STK32A: variants seen among roughly 807,000 people sequenced by gnomAD.
STK32A encodes the protein serine/threonine-protein kinase 32A.
Under a neutral mutation model 53.2 loss-of-function variants are expected in STK32A, and 41 were observed. That is an observed-to-expected ratio of 0.77 (90% CI 0.60 to 1.00). The LOEUF is 1.00. Ranked by LOEUF, STK32A falls within the 50% of genes least tolerant of loss-of-function variation. STK32A has a pLI of 0.00. For synonymous variants in STK32A, 166 were observed against 162.8 expected (o/e 1.02, Z -0.15); for missense variants, 458 against 485.8 (o/e 0.94, Z 0.54).
At position 147,291,551 on chromosome 5, in the gene STK32A, T is replaced by TA. The variant is rs369226227; in HGVS notation, c.260+12165dup. Reference sequence around the variant, plus strand: ...ATATAATACACATAACAATTACAATTAAAAAAAAAAAAGAATTTCTATGCC... The same window carrying TA: ...ATATAATACACATAACAATTACAATTAAAAAAAAAAAAAGAATTTCTATGCC... On this transcript the variant is annotated intron_variant, in intron 4 of 12. Transcript: ENST00000397936. 1.5e-3 allele frequency among the ~76,000 whole-genome samples: 216 copies of TA among 145,718 alleles called. 1 individual carries two copies. The highest frequency in any genetic ancestry group is 1.9e-3 in the Admixed American group (28 of 14,374).
At chr5:147,263,292 G>T (rs1358710854) in intron 2 of STK32A, among the ~76,000 whole-genome samples, 3 of 152,188 alleles carry the variant, frequency 2.0e-5, no homozygotes, top group Admixed American at 6.5e-5. Flanking sequence ...TCAACATCCA[G>T]GCCGCAGCTA....
chr5:147,241,479 A>AAAACAAAC (rs80273912), intron 2 of STK32A, among the ~76,000 whole-genome samples: 23,363 of 151,034 alleles, frequency 0.15, 2,054 homozygotes, highest in East Asian at 0.31. Context: ...ACTCCATCTC[A>AAAACAAAC]AAACAAACAA....
At chr5:147,280,995 C>A (rs1752039626) in intron 4 of STK32A, among the ~76,000 whole-genome samples, 1 of 152,156 alleles carries the variant, frequency 6.6e-6, no homozygotes, top group Non-Finnish European at 1.5e-5. Context: ...CAGCCTGGAG[C>A]TGGGTAGGCT....
chr5:147,348,559 T>G, intron 6 of STK32A: 1 of 675,228 alleles, frequency 1.5e-6, no homozygotes, highest in South Asian at 1.6e-5. Context: ...TAAAACCTTC[T>G]CTACCTTCCA....
intron 4 of STK32A, among the ~76,000 whole-genome samples, chr5:147,296,445 G>A (rs994052580): frequency 1.3e-5 from 2 of 152,058 alleles, no homozygotes; most frequent in Non-Finnish European, 2.9e-5. Flanking sequence ...CGCATGTGCA[G>A]CAGCCTGCCG....
At chr5:147,284,708 A>AAAAC (rs1752246052) in intron 4 of STK32A, among the ~76,000 whole-genome samples, 1 of 65,874 alleles carries the variant, frequency 1.5e-5, no homozygotes, top group Non-Finnish European at 3.0e-5. Context: ...AAAAAACAAC[A>AAAAC]AAAAAAAAAC....
At chr5:147,265,381 T>G (rs1754761671) in intron 2 of STK32A, among the ~76,000 whole-genome samples, 1 of 152,108 alleles carries the variant, frequency 6.6e-6, no homozygotes, top group Non-Finnish European at 1.5e-5. Flanking sequence ...TAGTGCCTCT[T>G]TTGTACACCA....
At position 147,353,737 on chromosome 5, in the gene STK32A, C is replaced by T. The variant is rs570155149; in HGVS notation, c.562+2583C>T. Among the ~76,000 whole-genome samples, 8 of 152,012 alleles carry T rather than the reference C, an allele frequency of 5.3e-5. No homozygotes were observed. The South Asian group carries it at 6.2e-4, about 12-fold the overall frequency. On this transcript the variant is annotated intron_variant, in intron 7 of 12. Coordinates refer to ENST00000397936, the MANE Select transcript of STK32A (RefSeq NM_001112724.2). Reference sequence around the variant, plus strand: ...ACTGTGTCACTGCACTCCAGCCTGGCGACAGAGTGAGACTCCATCTCAAAA... The same window carrying T: ...ACTGTGTCACTGCACTCCAGCCTGGTGACAGAGTGAGACTCCATCTCAAAA...
chr5:147,314,101 CT>C (rs1415281948), intron 4 of STK32A, among the ~76,000 whole-genome samples: 8 of 151,938 alleles, frequency 5.3e-5, no homozygotes, highest in Non-Finnish European at 1.0e-4. Context: ...AACTTTTATG[CT>C]TTTTATACTT....
At chr5:147,295,214 T>C (rs1418354744) in intron 4 of STK32A, among the ~76,000 whole-genome samples, 2 of 152,238 alleles carry the variant, frequency 1.3e-5, no homozygotes, top group Non-Finnish European at 2.9e-5. Context: ...GGTTACACAA[T>C]GCTTAATTTA....
intron 4 of STK32A, among the ~76,000 whole-genome samples, chr5:147,323,143 C>T (rs1446000100): frequency 2.0e-5 from 3 of 152,178 alleles, no homozygotes; most frequent in Non-Finnish European, 4.4e-5. Flanking sequence ...TGCATTTCCT[C>T]GTGTGAATGG....
chr5:147,283,728 T>C (rs2151957267), intron 4 of STK32A, among the ~76,000 whole-genome samples: 1 of 152,046 alleles, frequency 6.6e-6, no homozygotes, highest in Non-Finnish European at 1.5e-5. Context: ...AATATAACTC[T>C]CCTAGCTTAA....
intron 9 of STK32A, among the ~76,000 whole-genome samples, chr5:147,371,260 C>A (rs1561753738): frequency 6.6e-6 from 1 of 152,108 alleles, no homozygotes; most frequent in Non-Finnish European, 1.5e-5. Flanking sequence ...CCCCATGCAG[C>A]CCCACAGTGG....
intron 4 of STK32A, among the ~76,000 whole-genome samples, chr5:147,318,818 A>G (rs1003475284): frequency 2.6e-5 from 4 of 151,898 alleles, no homozygotes; most frequent in Non-Finnish European, 4.4e-5. Flanking sequence ...ATATGCTTTT[A>G]AAGGATATTT....
Position 147,379,562 on chromosome 5 carries a change from C to G in STK32A, c.1033-3879C>G, listed in dbSNP as rs201473701. On this transcript the variant is annotated intron_variant, in intron 11 of 12. Transcript: ENST00000397936. ...CTTCCTGACTCCTAGCCTTTCTTTT[C>G]CTTGGCTCTTTTTATGCTCATGTCA... Among the ~76,000 whole-genome samples, 7 of 152,102 alleles carry G rather than the reference C, an allele frequency of 4.6e-5. No homozygotes were observed. In the East Asian group the frequency reaches 1.4e-3, roughly 30 times the overall value.
intron 4 of STK32A, among the ~76,000 whole-genome samples, chr5:147,293,371 C>A (rs1593174): frequency 0.1 from 15,578 of 150,120 alleles, 867 homozygotes; most frequent in Admixed American, 0.14. Flanking sequence ...AGTTAAACAT[C>A]ATTTCTTATT....
At chr5:147,290,832 C>T (rs951159473) in intron 4 of STK32A, among the ~76,000 whole-genome samples, 48 of 152,056 alleles carry the variant, frequency 3.2e-4, no homozygotes, top group African/African-American at 1.1e-3. Context: ...AGGATGCCCA[C>T]CTGGGAGCAC....
intron 7 of STK32A, among the ~76,000 whole-genome samples, chr5:147,356,106 TA>T (rs1046207794): frequency 6.6e-6 from 1 of 150,884 alleles, no homozygotes; most frequent in Middle Eastern, 3.4e-3. Context: ...TTTTACAAGT[TA>T]AAAAAAAATC....
chr5:147,307,517 G>T (rs1375562809), intron 4 of STK32A, among the ~76,000 whole-genome samples: 1 of 151,640 alleles, frequency 6.6e-6, no homozygotes, highest in East Asian at 1.9e-4. Flanking sequence ...AGCTACTTGG[G>T]AAGCTGAGGC....
Sources: gnomAD v4.1 joint callset for allele counts (sites outside exome capture counted in the v4.1 genomes callset) on GRCh38, gnomAD v4.1.1 for gene constraint, MANE v1.5 for transcripts, NCBI Gene and HGNC (gene_info 2026-07-23, HGNC 2026-07-21) for gene names.